LHFPL6: variants seen among roughly 807,000 people sequenced by gnomAD.
The protein encoded by LHFPL6 is LHFPL tetraspan subfamily member 6 protein.
Under a neutral mutation model 20.6 loss-of-function variants are expected in LHFPL6, and 9 were observed. The ratio of observed to expected loss-of-function variants is 0.44; its 90% CI spans 0.26 to 0.76. The LOEUF is 0.76. LHFPL6 is among the 30% of genes least tolerant of loss of function. The pLI is 0.20. For synonymous variants in LHFPL6, 105 were observed against 98.7 expected, an observed-to-expected ratio of 1.06 and a Z score of -0.38; for missense variants, 218 against 253.5, an observed-to-expected ratio of 0.86 and a Z score of 0.95.
intron 2 of LHFPL6, among the ~76,000 whole-genome samples, chr13:39,513,733 A>G (rs1371337245): frequency 1.3e-5 from 2 of 152,188 alleles, no homozygotes; most frequent in Non-Finnish European, 1.5e-5. Flanking sequence ...TTCAGAGAGG[A>G]TAAGTTTCAT....
intron 2 of LHFPL6, among the ~76,000 whole-genome samples, chr13:39,387,410 G>T (rs1870590764): frequency 1.3e-5 from 2 of 151,888 alleles, no homozygotes; most frequent in Non-Finnish European, 2.9e-5. Context: ...AGCTGGGCAT[G>T]GTGGTGCACA....
At chr13:39,541,305 T>C (rs9576844) in intron 2 of LHFPL6, among the ~76,000 whole-genome samples, 14,630 of 152,256 alleles carry the variant, frequency 0.096, 861 homozygotes, top group East Asian at 0.29. Flanking sequence ...CATTTTTCCA[T>C]GTTTGCTCTT....
intron 2 of LHFPL6, among the ~76,000 whole-genome samples, chr13:39,598,807 T>C (rs1872844954): frequency 6.6e-6 from 1 of 152,156 alleles, no homozygotes; most frequent in Non-Finnish European, 1.5e-5. Flanking sequence ...TCCACCTGCC[T>C]TGGCCTCCCA....
chr13:39,507,087 T>C (rs1352420176), intron 2 of LHFPL6, among the ~76,000 whole-genome samples: 1 of 152,216 alleles, frequency 6.6e-6, no homozygotes, highest in Non-Finnish European at 1.5e-5. Context: ...TTGGTAAACA[T>C]AAATGCATTC....
At chr13:39,493,733 T>C (rs989647663) in intron 2 of LHFPL6, among the ~76,000 whole-genome samples, 3 of 152,202 alleles carry the variant, frequency 2.0e-5, no homozygotes, top group African/African-American at 7.2e-5. Context: ...AATTTTCTGT[T>C]AGTGAATCAA....
At position 39,549,353 on chromosome 13, in the gene LHFPL6, G is replaced by A. The variant is rs115358276; in HGVS notation, c.385+51479C>T. On this transcript the variant is annotated intron_variant, in intron 2 of 3. Coordinates refer to ENST00000379589, the MANE Select transcript of LHFPL6 (RefSeq NM_005780.3). ...TGACTTCTAGCATATACAGAAAATA[G>A]ACCAATATGTAAAATCTAAAGCAAT... Among the ~76,000 whole-genome samples, 1,062 of 152,122 alleles carry A rather than the reference G, an allele frequency of 7.0e-3. 16 individuals carry two copies. Among genetic ancestry groups the A allele is most frequent in the African/African-American group, 0.025 (1,028 of 41,480 alleles).
At chr13:39,480,076 T>C (rs1380479240) in intron 2 of LHFPL6, among the ~76,000 whole-genome samples, 1 of 152,204 alleles carries the variant, frequency 6.6e-6, no homozygotes, top group East Asian at 1.9e-4. Flanking sequence ...TATGAAAACA[T>C]ACCACCCATA....
At chr13:39,581,639 T>C (rs1872290426) in intron 2 of LHFPL6, among the ~76,000 whole-genome samples, 1 of 151,966 alleles carries the variant, frequency 6.6e-6, no homozygotes, top group Non-Finnish European at 1.5e-5. Context: ...TAGATTCTGC[T>C]TTCCCCCAAG....
chr13:39,391,137 T>G (rs1399639994), intron 2 of LHFPL6, among the ~76,000 whole-genome samples: 3 of 152,246 alleles, frequency 2.0e-5, no homozygotes, highest in South Asian at 2.1e-4. Flanking sequence ...TCCTAGATAC[T>G]CTGATGGCAG....
chr13:39,446,523 T>C (rs141430629), intron 2 of LHFPL6, among the ~76,000 whole-genome samples: 369 of 152,026 alleles, frequency 2.4e-3, no homozygotes, highest in Admixed American at 2.8e-3. Context: ...TGGGACAGTA[T>C]ACCCTGAGAG....
chr13:39,354,628 C>G (rs573286288), intron 3 of LHFPL6, among the ~76,000 whole-genome samples: 2 of 152,132 alleles, frequency 1.3e-5, no homozygotes, highest in South Asian at 4.2e-4. Flanking sequence ...AAATCCAACC[C>G]GAGGAAACCA....
At chr13:39,477,842 T>A (rs1025285951) in intron 2 of LHFPL6, among the ~76,000 whole-genome samples, 3 of 152,216 alleles carry the variant, frequency 2.0e-5, no homozygotes, top group African/African-American at 7.2e-5. Flanking sequence ...TAGAAGCATA[T>A]CATAGAGTCA....
rs569110222 is a variant in LHFPL6, at chr13:39,564,102, G to A, written c.385+36730C>T. ...AGTCATTAAATCCAGGAGATTGGGA[G>A]CTGTTTTCCTCTGGAGCATTTTATT... On this transcript the variant is annotated intron_variant, in intron 2 of 3. Transcript: ENST00000379589. 3.0e-5 allele frequency among the ~76,000 whole-genome samples: 4 copies of A among 134,468 alleles called. No homozygotes were observed. The South Asian group carries it at 1.1e-3, about 38-fold the overall frequency. The allele number at this position is 134,468 out of a possible 152,430, so 88.2% of individuals were successfully genotyped here.
intron 2 of LHFPL6, among the ~76,000 whole-genome samples, chr13:39,447,321 A>G (rs1436841138): frequency 2.0e-5 from 3 of 152,200 alleles, no homozygotes; most frequent in Non-Finnish European, 4.4e-5. Context: ...TCTTTTTTTA[A>G]GCTTTCTCTT....
intron 2 of LHFPL6, among the ~76,000 whole-genome samples, chr13:39,443,535 C>T (rs938072812): frequency 6.6e-6 from 1 of 151,968 alleles, no homozygotes; most frequent in African/African-American, 2.4e-5. Context: ...GCTTGGATTG[C>T]TGTGAATGGA....
Position 39,565,332 on chromosome 13 carries a change from G to T in LHFPL6, c.385+35500C>A, listed in dbSNP as rs576445044. Among the ~76,000 whole-genome samples, 608 of 151,976 alleles carry T rather than the reference G, an allele frequency of 4.0e-3. 5 individuals are homozygous for T. The highest frequency in any genetic ancestry group is 0.014 in the African/African-American group (572 of 41,462). On this transcript the variant is annotated intron_variant, in intron 2 of 3. Coordinates refer to ENST00000379589, the MANE Select transcript of LHFPL6 (RefSeq NM_005780.3). The stretch of plus-strand genomic sequence containing the variant: ...CTAAACATTACAGGCAAAAAGAAAG[G>T]TTTTTTAAATTTCATTTTGTGTTCA...
intron 2 of LHFPL6, among the ~76,000 whole-genome samples, chr13:39,468,491 T>A (rs1872859669): frequency 6.6e-6 from 1 of 151,392 alleles, no homozygotes; most frequent in African/African-American, 2.4e-5. Context: ...AAAAAAAAAA[T>A]GCTGGCTGAT....
At chr13:39,439,130 A>G (rs1298540529) in intron 2 of LHFPL6, among the ~76,000 whole-genome samples, 1 of 152,174 alleles carries the variant, frequency 6.6e-6, no homozygotes, top group Non-Finnish European at 1.5e-5. Flanking sequence ...AGGGGGCTGA[A>G]CCCTGCAAAG....
chr13:39,533,140 T>C (rs1183950694), intron 2 of LHFPL6, among the ~76,000 whole-genome samples: 1 of 152,212 alleles, frequency 6.6e-6, no homozygotes, highest in East Asian at 1.9e-4. Flanking sequence ...TAGTCATTTG[T>C]ATCTCCAATA....
Sources: allele counts gnomAD v4.1 joint callset (sites outside exome capture counted in the v4.1 genomes callset), GRCh38; gene constraint gnomAD v4.1.1; transcripts MANE v1.5; gene names NCBI Gene and HGNC (gene_info 2026-07-23, HGNC 2026-07-21).